The following DERA variants were observed in gnomAD, a reference collection of about 807,000 sequenced individuals.
The protein encoded by DERA is 2-deoxy-D-ribose 5-phosphate aldolase.
Under a neutral mutation model 41.1 loss-of-function variants are expected in DERA, and 15 were observed. That is an observed-to-expected ratio of 0.37 (90% CI 0.24 to 0.56). DERA has a LOEUF of 0.56. DERA is among the 20% of genes least tolerant of loss of function. The pLI, the probability that DERA is intolerant of heterozygous loss-of-function variation, is 0.81. For synonymous variants in DERA, 139 were observed against 137.4 expected (o/e 1.01, Z -0.08); for missense variants, 396 against 403.4 (o/e 0.98, Z 0.16).
At chr12:16,028,325 G>A (rs144013732) in intron 6 of DERA, among the ~76,000 whole-genome samples, 85 of 152,316 alleles carry the variant, frequency 5.6e-4, no homozygotes, top group African/African-American at 1.9e-3. Flanking sequence ...AGCTGGAACC[G>A]TGTGAACAAT....
rs1191104023 is a variant in DERA at position 15,954,345 on chromosome 12, G to A, written c.32-2591G>A. 6.6e-6 allele frequency among the ~76,000 whole-genome samples: 1 copy of A among 152,164 alleles called. No homozygotes were observed. The highest frequency in any genetic ancestry group is 1.5e-5 in the Non-Finnish European group (1 of 68,026). On this transcript the variant is annotated intron_variant, in intron 1 of 8. Coordinates refer to ENST00000428559, the MANE Select transcript of DERA (RefSeq NM_015954.4). This position sits in a 1 kb window ranked among gnomAD's most constrained non-coding sequence, Gnocchi z 4.0. ...AATCTTTTGGGGACATAAACATTTG[G>A]ACACATCAGTGGCATTCTGAGTGAA...
rs1592056110 is a variant in DERA at position 16,025,112 on chromosome 12, C to T, written c.638-7430C>T. Among the ~76,000 whole-genome samples the T allele has an allele frequency of 2.6e-5, 4 of 151,890 alleles. 1 individual carries two copies. Among genetic ancestry groups the T allele is most frequent in the Admixed American group, 2.6e-4 (4 of 15,266 alleles). ...AGATAAAATGGAATAATATAAAATG[C>T]TCAATTAAGCCAGGAAAGGCAGAAA... On this transcript the variant is annotated intron_variant, in intron 6 of 8. Transcript: ENST00000428559.
chr12:16,030,453 ATGT>A (rs1044957058), intron 6 of DERA, among the ~76,000 whole-genome samples: 1 of 151,970 alleles, frequency 6.6e-6, no homozygotes, highest in African/African-American at 2.4e-5. Context: ...CTCATTTTTG[ATGT>A]TGTAGGCATC....
intron 6 of DERA, among the ~76,000 whole-genome samples, chr12:16,027,128 A>C (rs1165463662): frequency 6.6e-6 from 1 of 152,294 alleles, no homozygotes; most frequent in East Asian, 1.9e-4. Context: ...CTAGAAATAG[A>C]GGGAAATATC....
At chr12:16,023,620 G>A (rs1485757054) in intron 6 of DERA, among the ~76,000 whole-genome samples, 1 of 150,400 alleles carries the variant, frequency 6.6e-6, no homozygotes, top group Admixed American at 6.6e-5. Context: ...TGGGACTACA[G>A]GCGCCCGCCA....
rs532025990 is a variant in DERA at position 15,949,085 on chromosome 12, C to T, written c.32-7851C>T. Among the ~76,000 whole-genome samples, 76 of 152,250 alleles carry T rather than the reference C, an allele frequency of 5.0e-4. 1 individual carries two copies. The highest frequency in any genetic ancestry group is 1.6e-3 in the African/African-American group (68 of 41,562). On this transcript the variant is annotated intron_variant, in intron 1 of 8. Transcript: ENST00000428559. ...GCTTCGTCTCAGAGGGGTAACCGGC[C>T]GTGTGGGGTGTCAGTCTGCTCCTAC...
Position 15,981,640 on chromosome 12 carries a change from G to A in DERA, c.509-668G>A, listed in dbSNP as rs951500431. Among the ~76,000 whole-genome samples the A allele has an allele frequency of 3.3e-5, 5 of 152,112 alleles. No homozygotes were observed. The highest frequency in any genetic ancestry group is 1.2e-4 in the African/African-American group (5 of 41,426). ...ATGAAATAAATCTGGGCCCAATGTG[G>A]AACCCTCCAAAGCCAGATGTGGTAC... On this transcript the variant is annotated intron_variant, in intron 5 of 8. Coordinates refer to ENST00000428559, the MANE Select transcript of DERA (RefSeq NM_015954.4). The surrounding 1 kb of genome is among the most constrained non-coding windows in gnomAD (Gnocchi z 6.1).
chr12:16,022,325 G>A (rs1381933161), intron 6 of DERA, among the ~76,000 whole-genome samples: 1 of 152,118 alleles, frequency 6.6e-6, no homozygotes, highest in African/African-American at 2.4e-5. Context: ...GCTTCCCAAG[G>A]CCCTTACCAG....
Position 16,014,712 on chromosome 12 carries a change from G to A in DERA, c.638-17830G>A, listed in dbSNP as rs868378000. Among the ~76,000 whole-genome samples, 15 of 152,188 alleles carry A rather than the reference G, an allele frequency of 9.9e-5. No individual in the cohort carries two copies. The highest frequency in any genetic ancestry group is 1.9e-4 in the Non-Finnish European group (13 of 68,032). On this transcript the variant is annotated intron_variant, in intron 6 of 8. Coordinates refer to ENST00000428559, the MANE Select transcript of DERA (RefSeq NM_015954.4). The surrounding 1 kb of genome is among the most constrained non-coding windows in gnomAD (Gnocchi z 5.4). ...GTGGAGCTGTGAGAAGAGGGCAACCGTCCTCCAGACCCCAGAATGGTAGAT... is the reference window on the plus strand; with the variant it reads ...GTGGAGCTGTGAGAAGAGGGCAACCATCCTCCAGACCCCAGAATGGTAGAT...
At chr12:16,023,352 G>A (rs898259708) in intron 6 of DERA, among the ~76,000 whole-genome samples, 6 of 151,678 alleles carry the variant, frequency 4.0e-5, no homozygotes, top group Admixed American at 6.6e-5. Flanking sequence ...CTCCTTGCCC[G>A]ATTAACATAA....
rs1948831689 is a variant in DERA at position 15,995,605 on chromosome 12, A to C, written c.637+13169A>C. The stretch of plus-strand genomic sequence containing the variant: ...AGCAGATCTTTCTGTTTTCCACCTG[A>C]TGGAGGAGTAGGAGAGATGTTAAAG... On this transcript the variant is annotated intron_variant, in intron 6 of 8. Coordinates refer to ENST00000428559, the MANE Select transcript of DERA (RefSeq NM_015954.4). This position sits in a 1 kb window ranked among gnomAD's most constrained non-coding sequence, Gnocchi z 5.1. Among the ~76,000 whole-genome samples the C allele has an allele frequency of 6.6e-6, 1 of 152,160 alleles. No individual in the cohort carries two copies. Among genetic ancestry groups the C allele is most frequent in the African/African-American group, 2.4e-5 (1 of 41,410 alleles).
intron 1 of DERA, among the ~76,000 whole-genome samples, chr12:15,949,522 T>C (rs558389566): frequency 1.3e-5 from 2 of 152,284 alleles, no homozygotes; most frequent in South Asian, 2.1e-4. Flanking sequence ...AATCTCCTGG[T>C]GTGCCGTTTG....
chr12:15,949,395 A>G (rs1948478160), intron 1 of DERA, among the ~76,000 whole-genome samples: 1 of 152,072 alleles, frequency 6.6e-6, no homozygotes, highest in African/African-American at 2.4e-5. Context: ...GGCCTCAGCA[A>G]TGGCAGGCAC....
chr12:15,933,568 T>A (rs1948344684), intron 1 of DERA, among the ~76,000 whole-genome samples: 1 of 152,208 alleles, frequency 6.6e-6, no homozygotes, highest in Admixed American at 6.5e-5. Flanking sequence ...TCCACTGGTA[T>A]TTCAAGTCTA....
chr12:15,947,911 G>GA (rs757646887), intron 1 of DERA, among the ~76,000 whole-genome samples: 15 of 152,148 alleles, frequency 9.9e-5, no homozygotes, highest in Non-Finnish European at 1.5e-4. Flanking sequence ...CTGGTGGTGA[G>GA]AAAATCTCTC....
intron 1 of DERA, among the ~76,000 whole-genome samples, chr12:15,939,365 G>A (rs757818937): frequency 5.3e-5 from 8 of 152,156 alleles, no homozygotes; most frequent in Non-Finnish European, 1.2e-4. Context: ...AATGACTGCT[G>A]TTTTTAGCCA....
In DERA at chr12:15,981,732, T is replaced by A. The variant is rs1329126794; in HGVS notation, c.509-576T>A. Among the ~76,000 whole-genome samples the A allele has an allele frequency of 6.6e-6, 1 of 152,198 alleles. No individual in the cohort carries two copies. The highest frequency in any genetic ancestry group is 1.5e-5 in the Non-Finnish European group (1 of 68,040). On this transcript the variant is annotated intron_variant, in intron 5 of 8. Transcript: ENST00000428559. This position sits in a 1 kb window ranked among gnomAD's most constrained non-coding sequence, Gnocchi z 6.1. ...CTCTGAGCCTCCCTGCAGAGATGGC[T>A]TTGTACACATGCGTCCAGCACTACC... is the stretch of plus-strand genomic sequence containing the variant.
intron 1 of DERA, among the ~76,000 whole-genome samples, chr12:15,945,446 A>G (rs1162134431): frequency 6.6e-6 from 1 of 152,176 alleles, no homozygotes; most frequent in Non-Finnish European, 1.5e-5. Context: ...GGTCCTTCAC[A>G]TCCCTTGTAA....
chr12:15,974,749 T>A (rs559546403), intron 5 of DERA, among the ~76,000 whole-genome samples: 1 of 152,320 alleles, frequency 6.6e-6, no homozygotes, highest in African/African-American at 2.4e-5. Flanking sequence ...TAGCATCCAT[T>A]GATGATTTTT....
Sources: allele counts gnomAD v4.1 joint callset (sites outside exome capture counted in the v4.1 genomes callset), GRCh38; gene constraint gnomAD v4.1.1; non-coding constraint Gnocchi (gnomAD v3.1); transcripts MANE v1.5; gene names NCBI Gene and HGNC (gene_info 2026-07-23, HGNC 2026-07-21).